The following RASGRP1 variants were observed in gnomAD, a reference collection of about 807,000 sequenced individuals.
RASGRP1 encodes RAS guanyl-releasing protein 1.
RASGRP1 carries 37 observed loss-of-function variants against 95.1 expected under a neutral mutation model. The ratio of observed to expected loss-of-function variants is 0.39; its 90% CI spans 0.30 to 0.51. RASGRP1 has a LOEUF of 0.51. RASGRP1 is among the 20% of genes least tolerant of loss of function. The pLI is 0.80. For synonymous variants in RASGRP1, 325 were observed against 353.4 expected (o/e 0.92, Z 0.90); for missense variants, 711 against 965.4 (o/e 0.74, Z 3.49).
intron 5 of RASGRP1, among the ~76,000 whole-genome samples, chr15:38,516,854 T>C (rs540179955): frequency 1.3e-5 from 2 of 152,222 alleles, no homozygotes; most frequent in East Asian, 3.9e-4. Context: ...TAGAAACATA[T>C]GGTCACTCTT....
chr15:38,506,241 CAG>C (rs1451467997), intron 9 of RASGRP1, among the ~76,000 whole-genome samples: 1 of 152,184 alleles, frequency 6.6e-6, no homozygotes, highest in Non-Finnish European at 1.5e-5. Context: ...TCAAAGCAGA[CAG>C]ATGATCTGAA....
intron 2 of RASGRP1, among the ~76,000 whole-genome samples, chr15:38,543,885 C>CT (rs1442763564): frequency 1.6e-4 from 25 of 152,116 alleles, no homozygotes; most frequent in Admixed American, 5.9e-4. Flanking sequence ...TGTGTCATCT[C>CT]TGAGTTCATT....
rs1211302006 is a variant in RASGRP1, at chr15:38,501,255, G to C, written c.1571C>G (p.Ala524Gly). 19 of 1,612,986 alleles carry C rather than the reference G, an allele frequency of 1.2e-5. No homozygotes were observed. The highest frequency in any genetic ancestry group is 1.6e-5 in the Non-Finnish European group (19 of 1,179,254). ...GATTGAGCTGGCTCTCATGAAGTAG[G>C]CTGTGATCTCATCCCTGCTGATGAG... ...EGLISRDEIT[A>G]YFMRASSIYS... The change falls in exon 13 of 17, where the codon GCC (alanine) becomes GGC (glycine). Residue 524 changes from alanine to glycine, a missense_variant. Transcript: ENST00000310803.
chr15:38,493,379 C>T (rs994676576), intron 16 of RASGRP1, among the ~76,000 whole-genome samples: 12 of 151,352 alleles, frequency 7.9e-5, no homozygotes, highest in Admixed American at 2.6e-4. Flanking sequence ...GGTTTCACCA[C>T]GTTGGCCAGG....
chr15:38,538,760 C>G (rs1213977746), intron 2 of RASGRP1, among the ~76,000 whole-genome samples: 2 of 152,088 alleles, frequency 1.3e-5, no homozygotes, highest in African/African-American at 2.4e-5. Context: ...ATGTCTTACG[C>G]CCACCCCTTC....
In RASGRP1 at chr15:38,488,993, C is replaced by CA. The variant is rs1183287195; in HGVS notation, c.*1560dup. On this transcript the variant is annotated 3_prime_UTR_variant, in exon 17 of 17. Transcript: ENST00000310803. Reference sequence around the variant, plus strand: ...AGTTCTATATCACTAAAACTCAGTGCAAGGAGGAACTCAAATGGGAACTGA... The same window carrying CA: ...AGTTCTATATCACTAAAACTCAGTGCAAAGGAGGAACTCAAATGGGAACTGA... 1.3e-5 allele frequency: 2 copies of CA among 151,912 alleles called. No individual in the cohort carries two copies. The highest frequency in any genetic ancestry group is 4.8e-5 in the African/African-American group (2 of 41,410). 9.4% of individuals were successfully genotyped at this position (151,912 alleles called of 1,614,324 possible). A position where few individuals can be genotyped will look rare whatever the true frequency, so the allele number is the denominator to read the frequency against.
At chr15:38,557,516 G>A (rs1893612433) in intron 2 of RASGRP1, among the ~76,000 whole-genome samples, 1 of 152,032 alleles carries the variant, frequency 6.6e-6, no homozygotes, top group Non-Finnish European at 1.5e-5. Context: ...CACCCATGAG[G>A]TGCACTTACT....
intron 1 of RASGRP1, 95 bp from the exon 2 acceptor site, chr15:38,560,100 T>C: frequency 8.5e-7 from 1 of 1,170,828 alleles, no homozygotes; most frequent in Non-Finnish European, 1.2e-6. Context: ...AGACAATTAA[T>C]CTCAGGAGCT....
rs1241258826 is a variant in RASGRP1 at position 38,489,896 on chromosome 15, G to C, written c.*658C>G. ...ATTTTCTGATGCCTGTAAGTTGTAA[G>C]GCTACAACTATAAGTTGACCTGCAA... is the stretch of plus-strand genomic sequence containing the variant. On this transcript the variant is annotated 3_prime_UTR_variant, in exon 17 of 17. Transcript: ENST00000310803. 1 of 152,256 alleles carries C rather than the reference G, an allele frequency of 6.6e-6. No individual in the cohort carries two copies. The highest frequency in any genetic ancestry group is 1.5e-5 in the Non-Finnish European group (1 of 67,920). 9.4% of individuals were successfully genotyped at this position (152,256 alleles called of 1,614,324 possible). A position where few individuals can be genotyped will look rare whatever the true frequency, so the allele number is the denominator to read the frequency against.
chr15:38,560,746 GT>G (rs906437356), intron 1 of RASGRP1, among the ~76,000 whole-genome samples: 2 of 152,128 alleles, frequency 1.3e-5, no homozygotes, highest in Non-Finnish European at 2.9e-5. Flanking sequence ...ACTAAACATC[GT>G]TTTTTCAAAT....
intron 2 of RASGRP1, among the ~76,000 whole-genome samples, chr15:38,528,485 T>G (rs1892316796): frequency 6.6e-6 from 1 of 152,152 alleles, no homozygotes; most frequent in African/African-American, 2.4e-5. Context: ...TATGACTCAG[T>G]AGCATTCAAC....
intron 15 of RASGRP1, among the ~76,000 whole-genome samples, chr15:38,498,399 A>C (rs1245671595): frequency 2.6e-5 from 4 of 152,144 alleles, no homozygotes; most frequent in Non-Finnish European, 4.4e-5. Flanking sequence ...TATATATGTT[A>C]ATTTACATTA....
chr15:38,501,440 T>C, intron 12 of RASGRP1, 153 bp from the exon 13 acceptor site: 3 of 880,520 alleles, frequency 3.4e-6, no homozygotes, highest in Non-Finnish European at 5.5e-6. Flanking sequence ...TGGGCCCTAC[T>C]CTTAACAAGG....
rs1893969440 is a variant in RASGRP1 at position 38,564,743 on chromosome 15, C to G, written c.-115G>C. The G allele has an allele frequency of 7.6e-6, 7 of 920,148 alleles. No homozygotes were observed. Among genetic ancestry groups the G allele is most frequent in the Non-Finnish European group, 9.5e-6 (7 of 733,400 alleles). The allele number at this position is 920,148 out of a possible 1,614,324, so 57.0% of individuals were successfully genotyped here. ...CTCTCCCCCCCGGGCCTCGTAGCCC[C>G]GGCGCCCGCCAGCCCTCGAGCCCGG... On this transcript the variant is annotated 5_prime_UTR_variant, in exon 1 of 17. Transcript: ENST00000310803.
In RASGRP1 at chr15:38,510,872, G is replaced by A. The variant is rs1232014517; in HGVS notation, c.966+732C>T. 5.3e-5 allele frequency among the ~76,000 whole-genome samples: 8 copies of A among 152,108 alleles called. No homozygotes were observed. In the South Asian group the frequency reaches 6.2e-4, roughly 12 times the overall value. On this transcript the variant is annotated intron_variant, in intron 8 of 16. Transcript: ENST00000310803. The stretch of plus-strand genomic sequence containing the variant: ...GCTACTTGGTAGGCTGAGGTGGGAG[G>A]ATTGCTTGAGCCCAGGAGTTTGAGA...
intron 2 of RASGRP1, among the ~76,000 whole-genome samples, chr15:38,546,211 CTTTATTTATTTA>C (rs147123769): frequency 6.0e-5 from 9 of 149,650 alleles, no homozygotes; most frequent in African/African-American, 2.3e-4. Context: ...TAAATTATAA[CTTTATTTATTTA>C]TTTATTTATT....
chr15:38,563,704 G>A (rs1045538942), intron 1 of RASGRP1, among the ~76,000 whole-genome samples: 1 of 152,178 alleles, frequency 6.6e-6, no homozygotes, highest in Non-Finnish European at 1.5e-5. Flanking sequence ...GACCCTCAGG[G>A]GATACCTGGA....
At chr15:38,559,793 T>G in intron 2 of RASGRP1, 28 bp downstream of exon 2, 1 of 1,592,644 alleles carries the variant, frequency 6.3e-7, no homozygotes, top group Non-Finnish European at 8.6e-7. Context: ...GAGTGATTTT[T>G]ATGCCTGTGG....
At chr15:38,503,544 TG>T in intron 10 of RASGRP1, 168 bp from the exon 11 acceptor site, 2 of 639,116 alleles carry the variant, frequency 3.1e-6, no homozygotes, top group Middle Eastern at 4.2e-4. Flanking sequence ...CTAATAATTT[TG>T]GCTAACAAGG....
Sources: gnomAD v4.1 joint callset for allele counts (sites outside exome capture counted in the v4.1 genomes callset) on GRCh38, gnomAD v4.1.1 for gene constraint, MANE v1.5 for transcripts, NCBI Gene and HGNC (gene_info 2026-07-23, HGNC 2026-07-21) for gene names.